DOCK8: variants seen among roughly 807,000 people sequenced by gnomAD.
The protein encoded by DOCK8 is dedicator of cytokinesis protein 8.
A neutral mutation model predicts 245.6 loss-of-function variants in DOCK8; 141 were observed. That is an observed-to-expected ratio of 0.57 (90% CI 0.50 to 0.66). The LOEUF is 0.66. Among genes scored for constraint, DOCK8 ranks in the 30% least tolerant of loss-of-function variants. The pLI is 0.00. For missense variants in DOCK8, 2,965 were observed against 2,603.4 expected, an observed-to-expected ratio of 1.14 and a Z score of -3.02; for synonymous variants, 1,168 against 970.2, an observed-to-expected ratio of 1.20 and a Z score of -3.79.
intron 2 of DOCK8, among the ~76,000 whole-genome samples, chr9:276,711 C>G (rs928354889): frequency 1.3e-5 from 2 of 152,192 alleles, no homozygotes; most frequent in Non-Finnish European, 2.9e-5. Flanking sequence ...AATAGATTAA[C>G]CAGAGACCCT....
chr9:363,431 A>C (rs566049453), intron 14 of DOCK8, among the ~76,000 whole-genome samples: 25 of 152,308 alleles, frequency 1.6e-4, no homozygotes, highest in Non-Finnish European at 3.2e-4. Context: ...GTTAATCATT[A>C]TTTTTATCTG....
chr9:430,892 C>T (rs527408617), intron 36 of DOCK8, among the ~76,000 whole-genome samples: 60 of 152,186 alleles, frequency 3.9e-4, no homozygotes, highest in African/African-American at 1.3e-3. Context: ...TTTATTGAGA[C>T]AGTGTCTTGC....
intron 14 of DOCK8, among the ~76,000 whole-genome samples, chr9:365,382 A>G (rs2052934893): frequency 6.6e-6 from 1 of 152,184 alleles, no homozygotes; most frequent in South Asian, 2.1e-4. Context: ...GTATGTTTTT[A>G]GGGGGCTCTA....
At chr9:403,167 G>T (rs1459710045) in intron 26 of DOCK8, among the ~76,000 whole-genome samples, 1 of 152,156 alleles carries the variant, frequency 6.6e-6, no homozygotes, top group East Asian at 1.9e-4. Flanking sequence ...GGGATTACAG[G>T]TGTGAGCCAC....
chr9:306,751 C>T (rs2049849592), intron 5 of DOCK8, among the ~76,000 whole-genome samples: 1 of 152,134 alleles, frequency 6.6e-6, no homozygotes, highest in African/African-American at 2.4e-5. Context: ...TTAGCATTTC[C>T]TAAGTGATGC....
intron 5 of DOCK8, among the ~76,000 whole-genome samples, chr9:310,743 G>A (rs1015802005): frequency 6.6e-6 from 1 of 152,204 alleles, no homozygotes; most frequent in African/African-American, 2.4e-5. Flanking sequence ...TTACAGGCAT[G>A]AGCCCAATAT....
chr9:418,125 G>C lies in DOCK8; in HGVS notation c.3758G>C (p.Gly1253Ala), dbSNP rs774890293. The change falls in exon 30 of 48, where the codon GGT becomes GCT. Residue 1253 changes from glycine to alanine, a missense_variant. Gly to Ala is a moderately conservative substitution (Grantham distance 60, BLOSUM62 0). Coordinates refer to ENST00000432829, the MANE Select transcript of DOCK8 (RefSeq NM_203447.4). Reference sequence around the variant, plus strand: ...TCGGATGAAGAACAAGAAGGAGCCGGTGCCATTAACCAGAATGTGGCTCTG... The same window carrying C: ...TCGGATGAAGAACAAGAAGGAGCCGCTGCCATTAACCAGAATGTGGCTCTG... ...SGSDEEQEGA[G>A]AINQNVALAI... is the part of the protein sequence containing the mutation. 1.2e-6 allele frequency: 2 copies of C among 1,614,228 alleles called. No homozygotes were observed. The highest frequency in any genetic ancestry group is 1.7e-5 in the Admixed American group (1 of 60,016).
chr9:420,393 C>A lies in DOCK8; in HGVS notation c.3841-8C>A. ...CTGGCCTCCATCCCCCAATCTGCCTCCCTTCAGCCCTATAAGCAGTACAAC... is the reference window on the plus strand; with the variant it reads ...CTGGCCTCCATCCCCCAATCTGCCTACCTTCAGCCCTATAAGCAGTACAAC... On this transcript the variant is annotated splice_polypyrimidine_tract_variant and splice_region_variant and intron_variant, in intron 30 of 47. Coordinates refer to ENST00000432829, the MANE Select transcript of DOCK8 (RefSeq NM_203447.4). 2 of 1,614,112 alleles carry A rather than the reference C, an allele frequency of 1.2e-6. No homozygotes were observed. The highest frequency in any genetic ancestry group is 1.7e-6 in the Non-Finnish European group (2 of 1,180,026).
chr9:396,727 C>T (rs2054474433), intron 24 of DOCK8, 58 bp from the exon 25 acceptor site: 5 of 1,604,930 alleles, frequency 3.1e-6, no homozygotes, highest in Non-Finnish European at 3.4e-6. Flanking sequence ...CCCTTTTCTG[C>T]ATTGTACAAG....
chr9:402,795 G>C (rs1050164621), intron 26 of DOCK8, among the ~76,000 whole-genome samples: 1 of 152,066 alleles, frequency 6.6e-6, no homozygotes, highest in African/African-American at 2.4e-5. Flanking sequence ...CCATCCCTTG[G>C]GTAGGGGCAT....
intron 1 of DOCK8, among the ~76,000 whole-genome samples, chr9:245,998 TTG>T: frequency 6.6e-6 from 1 of 152,166 alleles, no homozygotes. Context: ...GGAGGGTGGA[TTG>T]CCTGAGCTCA....
At chr9:409,317 A>G (rs377754462) in intron 28 of DOCK8, among the ~76,000 whole-genome samples, 3 of 152,232 alleles carry the variant, frequency 2.0e-5, no homozygotes, top group African/African-American at 7.2e-5. Flanking sequence ...TCAAGCATTT[A>G]GAAATTGTCT....
chr9:298,584 A>G (rs947997836), intron 4 of DOCK8, among the ~76,000 whole-genome samples: 15 of 151,496 alleles, frequency 9.9e-5, no homozygotes, highest in African/African-American at 3.6e-4. Flanking sequence ...GAGAGAAATA[A>G]CTTGAGGATA....
intron 4 of DOCK8, among the ~76,000 whole-genome samples, chr9:293,607 A>C (rs1164868246): frequency 6.6e-6 from 1 of 152,244 alleles, no homozygotes; most frequent in East Asian, 1.9e-4. Flanking sequence ...ACACCTTCTT[A>C]TCTTTATTCA....
intron 1 of DOCK8, among the ~76,000 whole-genome samples, chr9:229,796 G>C (rs935526186): frequency 6.6e-6 from 1 of 152,022 alleles, no homozygotes; most frequent in Non-Finnish European, 1.5e-5. Flanking sequence ...TATCAATTAG[G>C]ATTGCTTTTA....
intron 1 of DOCK8, among the ~76,000 whole-genome samples, chr9:244,982 A>G (rs1311432165): frequency 6.6e-6 from 1 of 152,138 alleles, no homozygotes; most frequent in Non-Finnish European, 1.5e-5. Context: ...GGGAAAAACA[A>G]GACCCTTGGG....
At chr9:346,275 C>T (rs1327373529) in intron 14 of DOCK8, among the ~76,000 whole-genome samples, 1 of 152,136 alleles carries the variant, frequency 6.6e-6, no homozygotes, top group Non-Finnish European at 1.5e-5. Context: ...TGCACCAACT[C>T]CTGGCTTATT....
intron 14 of DOCK8, among the ~76,000 whole-genome samples, chr9:341,806 A>G (rs2051607412): frequency 6.6e-6 from 1 of 152,146 alleles, no homozygotes; most frequent in Non-Finnish European, 1.5e-5. Flanking sequence ...GTGAAGCTTC[A>G]TTTACAGCCA....
intron 45 of DOCK8, among the ~76,000 whole-genome samples, chr9:451,283 C>G (rs558333782): frequency 6.6e-6 from 1 of 151,960 alleles, no homozygotes; most frequent in Non-Finnish European, 1.5e-5. Flanking sequence ...TGCGCTCCAG[C>G]CTGAGTGACA....
Sources: allele counts gnomAD v4.1 joint callset (sites outside exome capture counted in the v4.1 genomes callset), GRCh38; gene constraint gnomAD v4.1.1; transcripts MANE v1.5; gene names NCBI Gene and HGNC (gene_info 2026-07-23, HGNC 2026-07-21).